Variants in ETFA observed in about 807,000 individuals in gnomAD.
ETFA encodes electron transfer flavoprotein subunit alpha, also known as electron transfer flavoprotein subunit alpha, mitochondrial.
ETFA carries 22 observed loss-of-function variants against 46.2 expected under a neutral mutation model. The ratio of observed to expected loss-of-function variants is 0.48; its 90% confidence interval spans 0.34 to 0.68. The LOEUF (loss-of-function observed/expected upper bound fraction) is 0.68. Ranked by LOEUF, ETFA falls within the 30% of genes least tolerant of loss-of-function variation. ETFA has a pLI of 0.01. For synonymous variants in ETFA, 131 were observed against 139.9 expected, an observed-to-expected ratio of 0.94 and a Z score of 0.45; for missense variants, 345 against 401.1, an observed-to-expected ratio of 0.86 and a Z score of 1.19.
At chr15:76,303,322 C>CA (rs2039899700) in intron 1 of ETFA, among the ~76,000 whole-genome samples, 1 of 151,956 alleles carries the variant, frequency 6.6e-6, no homozygotes, top group East Asian at 1.9e-4. Context: ...AACAAACAAA[C>CA]AAAAAATGAT....
chr15:76,241,575 C>T (rs890289356), intron 9 of ETFA, among the ~76,000 whole-genome samples: 38 of 151,662 alleles, frequency 2.5e-4, no homozygotes, highest in Non-Finnish European at 4.9e-4. Context: ...CTGAGGCAGG[C>T]GGATCACGAG....
intron 8 of ETFA, among the ~76,000 whole-genome samples, chr15:76,283,286 A>G (rs567113820): frequency 6.6e-6 from 1 of 151,692 alleles, no homozygotes. Context: ...CCACCTCTCA[A>G]GCTCAAGCAA....
intron 8 of ETFA, among the ~76,000 whole-genome samples, chr15:76,281,526 A>T (rs2039651709): frequency 6.6e-6 from 1 of 151,954 alleles, no homozygotes; most frequent in Non-Finnish European, 1.5e-5. Context: ...CCCAGGTTCA[A>T]GCGTTTCTCC....
chr15:76,235,697 T>A (rs1442585878), intron 9 of ETFA, among the ~76,000 whole-genome samples: 1 of 152,066 alleles, frequency 6.6e-6, no homozygotes, highest in Non-Finnish European at 1.5e-5. Context: ...AAATCTGTAA[T>A]CCAATAAAGG....
rs2039573154 is a variant in ETFA, at chr15:76,274,412, T to C, written c.816A>G (p.Pro272=). The C allele has an allele frequency of 6.2e-7, 1 of 1,603,912 alleles. No individual in the cohort carries two copies. Among genetic ancestry groups the C allele is most frequent in the Non-Finnish European group, 8.5e-7 (1 of 1,172,808 alleles). Residue 272 remains proline (P), a splice_region_variant and synonymous_variant, in exon 9 of 12, where the codon CCA becomes CCG. Coordinates refer to ENST00000557943, the MANE Select transcript of ETFA (RefSeq NM_000126.4). ...QVGQTGKIVA[P]ELYIAVGISG... ...CAGCATATTTTATTGCAATACTTACTGGTGCTACTATTTTTCCCGTCTGTC... is the reference window on the plus strand; with the variant it reads ...CAGCATATTTTATTGCAATACTTACCGGTGCTACTATTTTTCCCGTCTGTC...
chr15:76,272,285 A>C (rs545898303), intron 9 of ETFA, among the ~76,000 whole-genome samples: 2 of 151,232 alleles, frequency 1.3e-5, no homozygotes, highest in East Asian at 3.9e-4. Flanking sequence ...CAGTGGCACA[A>C]TCTCGGCTCA....
intron 4 of ETFA, among the ~76,000 whole-genome samples, chr15:76,291,703 ATGGCGCCACTGCACTCCAACC>A (rs201405241): frequency 0.064 from 9,800 of 152,198 alleles, 430 homozygotes; most frequent in Non-Finnish European, 0.091. Flanking sequence ...GTGAGCCGAG[ATGGCGCCACTGCACTCCAACC>A]TGGGCGACAG....
intron 8 of ETFA, among the ~76,000 whole-genome samples, chr15:76,283,271 C>T (rs963376253): frequency 9.2e-5 from 14 of 151,998 alleles, no homozygotes; most frequent in Admixed American, 2.0e-4. Context: ...AGTGCACTGT[C>T]GCCTCCACCT....
At chr15:76,220,007 G>T (rs2038942046) in intron 11 of ETFA, among the ~76,000 whole-genome samples, 1 of 152,182 alleles carries the variant, frequency 6.6e-6, no homozygotes, top group Admixed American at 6.5e-5. Context: ...TGAAAGCAGG[G>T]GCTTGAGCAG....
intron 9 of ETFA, among the ~76,000 whole-genome samples, chr15:76,251,178 A>G (rs1458552881): frequency 6.6e-6 from 1 of 152,140 alleles, no homozygotes; most frequent in Non-Finnish European, 1.5e-5. Context: ...AAAAGGGGCC[A>G]ATAGAGGAGA....
chr15:76,290,718 T>C lies in ETFA; in HGVS notation c.351+1713A>G, dbSNP rs188216404. Among the ~76,000 whole-genome samples, 13 of 152,252 alleles carry C rather than the reference T, an allele frequency of 8.5e-5. 1 individual carries two copies. The highest frequency in any genetic ancestry group is 7.8e-4 in the Admixed American group (12 of 15,290). ...TCCCATTTTAGAAGTAAAAAATATA[T>C]AGCTGTACATGTACTGTAATTTAAA... On this transcript the variant is annotated intron_variant, in intron 4 of 11. Transcript: ENST00000557943.
At position 76,284,823 on chromosome 15, in the gene ETFA, G is replaced by C. The variant is rs181321699; in HGVS notation, c.664+814C>G. The C allele has an allele frequency of 3.8e-3, 1,183 of 311,632 alleles. 18 individuals are homozygous for C. Among genetic ancestry groups the C allele is most frequent in the African/African-American group, 0.025 (1,086 of 43,092 alleles). 19.3% of individuals were successfully genotyped at this position (311,632 alleles called of 1,614,324 possible). ...CACATGCCTGTAATCCCAGCTACTC[G>C]GGAGGCTGAGGCAGGAGAATCGCTT... On this transcript the variant is annotated intron_variant, in intron 7 of 11. Transcript: ENST00000557943.
At position 76,215,405 on chromosome 15, in the gene ETFA, G is replaced by C. The variant is rs2038888209; in HGVS notation, c.*1154C>G. On this transcript the variant is annotated 3_prime_UTR_variant, in exon 12 of 12. Coordinates refer to ENST00000557943, the MANE Select transcript of ETFA (RefSeq NM_000126.4). ...ACTGATTGTGACACAAATCAGAAAG[G>C]GTTCACTAGTCAGCTGGGGAAGGGC... 1 of 152,136 alleles carries C rather than the reference G, an allele frequency of 6.6e-6. No homozygotes were observed. The highest frequency in any genetic ancestry group is 1.5e-5 in the Non-Finnish European group (1 of 68,040). The allele number at this position is 152,136 out of a possible 1,614,324, so 9.4% of individuals were successfully genotyped here.
Position 76,295,712 on chromosome 15 carries a change from G to A in ETFA, c.65C>T (p.Thr22Ile). 2 of 1,611,438 alleles carry A rather than the reference G, an allele frequency of 1.2e-6. No homozygotes were observed. The highest frequency in any genetic ancestry group is 1.7e-6 in the Non-Finnish European group (2 of 1,179,274). The change falls in exon 2 of 12, where the codon ACC (threonine) becomes ATC (isoleucine). Residue 22 changes from threonine (T) to isoleucine (I), a missense_variant. By Grantham distance (89) the Thr-to-Ile change is moderately conservative. Transcript: ENST00000557943. ...RAASLLRFQS[T>I]LVIAEHANDS... Reference sequence around the variant, plus strand: ...ATTTGCATGCTCAGCTATTACCAGGGTACTCTGAAATCGTAGCAATGAGGC... The same window carrying A: ...ATTTGCATGCTCAGCTATTACCAGGATACTCTGAAATCGTAGCAATGAGGC...
intron 9 of ETFA, among the ~76,000 whole-genome samples, chr15:76,237,484 T>C (rs969466071): frequency 3.3e-5 from 5 of 152,178 alleles, no homozygotes; most frequent in Non-Finnish European, 5.9e-5. Flanking sequence ...TATTCAATCA[T>C]TACAGTTAAA....
At chr15:76,292,283 C>A in intron 4 of ETFA, 148 bp downstream of exon 4, 1 of 694,036 alleles carries the variant, frequency 1.4e-6, no homozygotes, top group Non-Finnish European at 2.6e-6. Flanking sequence ...ATGACAAAAT[C>A]TTGAAAGAAT....
chr15:76,259,435 C>T (rs1049319371), intron 9 of ETFA: 19 of 1,055,946 alleles, frequency 1.8e-5, no homozygotes, highest in South Asian at 3.7e-5. Context: ...AGTGTAAGAA[C>T]GTCCTCCATA....
At chr15:76,258,884 C>CT in intron 9 of ETFA, 1 of 777,816 alleles carries the variant, frequency 1.3e-6, no homozygotes, top group Non-Finnish European at 2.2e-6. Context: ...CCACAGGAGC[C>CT]TCCACACCTT....
chr15:76,278,981 T>C (rs2039622668), intron 8 of ETFA, among the ~76,000 whole-genome samples: 1 of 152,152 alleles, frequency 6.6e-6, no homozygotes, highest in Admixed American at 6.5e-5. Flanking sequence ...TGACTACTTT[T>C]CCCTCTCTAC....
Sources: gnomAD v4.1 joint callset for allele counts (sites outside exome capture counted in the v4.1 genomes callset) on GRCh38, gnomAD v4.1.1 for gene constraint, MANE v1.5 for transcripts, NCBI Gene and HGNC (gene_info 2026-07-23, HGNC 2026-07-21) for gene names.